ATP2B2: variants seen among roughly 807,000 people sequenced by gnomAD.
ATP2B2 encodes the protein plasma membrane calcium-transporting ATPase 2.
A neutral mutation model predicts 120.0 loss-of-function variants in ATP2B2; 15 were observed. That is an observed-to-expected ratio of 0.12 (90% CI 0.08 to 0.19). ATP2B2 has a LOEUF of 0.19. Ranked by LOEUF, ATP2B2 falls within the 10% of genes least tolerant of loss-of-function variation. The pLI is 1.00. For synonymous variants in ATP2B2, 694 were observed against 700.3 expected (o/e 0.99, Z 0.14); for missense variants, 1,045 against 1,719.8 (o/e 0.61, Z 6.94).
At chr3:10,590,453 TCTAGA>T (rs1257889158) in intron 2 of ATP2B2, among the ~76,000 whole-genome samples, 2 of 152,234 alleles carry the variant, frequency 1.3e-5, no homozygotes, top group African/African-American at 2.4e-5. Context: ...ACAAAAGCCT[TCTAGA>T]GTGTCCTTCA....
At chr3:10,397,280 A>G (rs2062069338) in intron 5 of ATP2B2, among the ~76,000 whole-genome samples, 1 of 152,218 alleles carries the variant, frequency 6.6e-6, no homozygotes, top group Non-Finnish European at 1.5e-5. Flanking sequence ...GGATTGTTGC[A>G]GAAATGACAC....
At chr3:10,488,176 C>T (rs1024234341) in intron 1 of ATP2B2, among the ~76,000 whole-genome samples, 10 of 141,122 alleles carry the variant, frequency 7.1e-5, no homozygotes, top group Non-Finnish European at 1.4e-4. Flanking sequence ...CATCCATCTA[C>T]CCACCCATCT....
chr3:10,345,709 G>T, intron 17 of ATP2B2, 134 bp from the exon 18 acceptor site: 1 of 849,552 alleles, frequency 1.2e-6, no homozygotes, highest in Non-Finnish European at 1.9e-6. Flanking sequence ...AGACCACACA[G>T]GGACACCCCA....
rs550877690 is a variant in ATP2B2, at chr3:10,420,625, G to A, written c.200-9810C>T. 8.5e-5 allele frequency among the ~76,000 whole-genome samples: 13 copies of A among 152,318 alleles called. No individual in the cohort carries two copies. The South Asian group carries it at 2.7e-3, about 32-fold the overall frequency. On this transcript the variant is annotated intron_variant, in intron 2 of 22. Transcript: ENST00000360273. ...GATCCACCCGCCTTGGCCTCCCAAA[G>A]TGCTGGGATTACAGGTATGAGCCAC...
Position 10,606,207 on chromosome 3 carries a change from G to A in ATP2B2, c.-415+13710C>T, listed in dbSNP as rs138394798. 2.7e-3 allele frequency among the ~76,000 whole-genome samples: 410 copies of A among 152,260 alleles called. 2 individuals are homozygous for A. Among genetic ancestry groups the A allele is most frequent in the African/African-American group, 9.3e-3 (385 of 41,548 alleles). On this transcript the variant is annotated intron_variant, in intron 2 of 21. Transcript: ENST00000646379. The stretch of plus-strand genomic sequence containing the variant: ...TTCAGTGTTCAATCTGGGCTCTGCC[G>A]CTTGTGATCTGCATGAGACCCCCGG...
intron 17 of ATP2B2, 125 bp downstream of exon 17, chr3:10,345,906 G>T: frequency 1.0e-6 from 1 of 967,230 alleles, no homozygotes; most frequent in Non-Finnish European, 1.6e-6. Flanking sequence ...CGAGAAGGGT[G>T]GGCACCCACG....
chr3:10,421,239 A>G (rs548497351), intron 2 of ATP2B2, among the ~76,000 whole-genome samples: 2 of 152,160 alleles, frequency 1.3e-5, no homozygotes, highest in Admixed American at 1.3e-4. Flanking sequence ...ACCCTGAGAC[A>G]TGGGGCTTAT....
At position 10,340,716 on chromosome 3, in the gene ATP2B2, G is replaced by A. The variant is rs367782610; in HGVS notation, c.2918-12C>T. Reference sequence around the variant, plus strand: ...GAACATCTTCTCGCCTGCCAAGTGAGAGAGTGGGGCTGGGCTGAAGGCAGT... The same window carrying A: ...GAACATCTTCTCGCCTGCCAAGTGAAAGAGTGGGGCTGGGCTGAAGGCAGT... On this transcript the variant is annotated splice_polypyrimidine_tract_variant and intron_variant, in intron 19 of 22. Coordinates refer to ENST00000360273, the MANE Select transcript of ATP2B2 (RefSeq NM_001001331.4). The surrounding 1 kb of genome is among the most constrained non-coding windows in gnomAD (Gnocchi z 5.0). 48 of 1,613,884 alleles carry A rather than the reference G, an allele frequency of 3.0e-5. 1 individual carries two copies. The Middle Eastern group carries it at 5.0e-4, about 17-fold the overall frequency.
chr3:10,378,150 C>A, intron 10 of ATP2B2, 102 bp downstream of exon 10: 1 of 1,483,272 alleles, frequency 6.7e-7, no homozygotes, highest in East Asian at 2.4e-5. Flanking sequence ...CATTCAAGCC[C>A]CCCACTTTGC....
intron 2 of ATP2B2, among the ~76,000 whole-genome samples, chr3:10,593,411 G>A (rs1006553057): frequency 1.6e-4 from 24 of 152,090 alleles, no homozygotes; most frequent in Non-Finnish European, 2.6e-4. Flanking sequence ...CCAATACCCC[G>A]GCCTAGAACA....
At chr3:10,410,563 G>A (rs1038242615) in intron 3 of ATP2B2, 55 bp downstream of exon 3, 18 of 1,528,820 alleles carry the variant, frequency 1.2e-5, no homozygotes, top group African/African-American at 8.3e-5. Flanking sequence ...GCCCCCCAGC[G>A]TGGATGCGGT....
intron 12 of ATP2B2, among the ~76,000 whole-genome samples, chr3:10,365,796 T>TG: frequency 0.012 from 1 of 86 alleles, no homozygotes; most frequent in Non-Finnish European, 0.028. Flanking sequence ...GTACTGTGTA[T>TG]AGTGTATGTG....
chr3:10,673,628 C>G (rs185890328), intron 1 of ATP2B2, among the ~76,000 whole-genome samples: 1 of 151,478 alleles, frequency 6.6e-6, no homozygotes, highest in Non-Finnish European at 1.5e-5. Context: ...AGCAAGACCT[C>G]GTCTCTACCA....
intron 1 of ATP2B2, among the ~76,000 whole-genome samples, chr3:10,455,231 T>C (rs915203479): frequency 5.9e-5 from 9 of 152,162 alleles, no homozygotes; most frequent in Non-Finnish European, 5.9e-5. Flanking sequence ...TCAGCAGTCA[T>C]AGTTTTTCTT....
chr3:10,492,564 G>A (rs1208776563), intron 1 of ATP2B2, among the ~76,000 whole-genome samples: 3 of 152,140 alleles, frequency 2.0e-5, no homozygotes, highest in Non-Finnish European at 4.4e-5. Flanking sequence ...TGTTCCAGAT[G>A]AGCTTCTGTC....
In ATP2B2 at chr3:10,340,755, G is replaced by T. The variant is rs780774204; in HGVS notation, c.2918-51C>A. 7.5e-6 allele frequency: 12 copies of T among 1,590,984 alleles called. No homozygotes were observed. In the African/African-American group the frequency reaches 1.6e-4, roughly 21 times the overall value. ...GCTGAAGGCAGTGGTGGGGGAATCA[G>T]AGGGGAGATGCCTGGCCTTTCGTGG... is the stretch of plus-strand genomic sequence containing the variant. On this transcript the variant is annotated intron_variant, in intron 19 of 22. Transcript: ENST00000360273. This position sits in a 1 kb window ranked among gnomAD's most constrained non-coding sequence, Gnocchi z 5.0.
intron 1 of ATP2B2, among the ~76,000 whole-genome samples, chr3:10,700,192 G>A (rs1348215849): frequency 6.6e-6 from 1 of 151,878 alleles, no homozygotes; most frequent in African/African-American, 2.4e-5. Context: ...TTTCTAGTGT[G>A]GTGAGCTCAT....
chr3:10,385,155 C>T (rs894832686), intron 8 of ATP2B2, 113 bp downstream of exon 8: 2 of 1,068,328 alleles, frequency 1.9e-6, no homozygotes, highest in Non-Finnish European at 2.8e-6. Context: ...CCCAGCGGCC[C>T]ATGCACATCC....
intron 1 of ATP2B2, among the ~76,000 whole-genome samples, chr3:10,503,463 C>G (rs1052916402): frequency 6.6e-6 from 1 of 152,262 alleles, no homozygotes; most frequent in Admixed American, 6.5e-5. Flanking sequence ...GCTGGCCCTC[C>G]CCCAACGCCT....
Sources: allele counts gnomAD v4.1 joint callset (sites outside exome capture counted in the v4.1 genomes callset), GRCh38; gene constraint gnomAD v4.1.1; non-coding constraint Gnocchi (gnomAD v3.1); transcripts MANE v1.5; gene names NCBI Gene and HGNC (gene_info 2026-07-23, HGNC 2026-07-21).